The following MAN1A1 variants were observed in gnomAD, a reference collection of about 807,000 sequenced individuals.
MAN1A1 encodes mannosidase alpha class 1A member 1.
MAN1A1 carries 29 observed loss-of-function variants against 70.8 expected under a neutral mutation model. The ratio of observed to expected loss-of-function variants is 0.41; its 90% confidence interval spans 0.31 to 0.56. MAN1A1 has a LOEUF of 0.56. Ranked by LOEUF, MAN1A1 falls within the 20% of genes least tolerant of loss-of-function variation. The pLI is 0.29. For synonymous variants in MAN1A1, 349 were observed against 330.1 expected, an observed-to-expected ratio of 1.06 and a Z score of -0.62; for missense variants, 747 against 841.3, an observed-to-expected ratio of 0.89 and a Z score of 1.39.
chr6:119,207,718 G>A (rs941190207), intron 6 of MAN1A1, among the ~76,000 whole-genome samples: 2 of 152,200 alleles, frequency 1.3e-5, no homozygotes, highest in Admixed American at 6.5e-5. Context: ...AGGCTTTAAT[G>A]TTTAGAATGA....
intron 5 of MAN1A1, among the ~76,000 whole-genome samples, chr6:119,250,770 C>A (rs940174606): frequency 6.6e-6 from 1 of 152,226 alleles, no homozygotes; most frequent in South Asian, 2.1e-4. Context: ...GTTCTCACCA[C>A]CTATTTGCAT....
chr6:119,188,429 C>G lies in MAN1A1; in HGVS notation c.1695G>C (p.Arg565Ser). 2 of 1,610,878 alleles carry G rather than the reference C, an allele frequency of 1.2e-6. No individual in the cohort carries two copies. The highest frequency in any genetic ancestry group is 1.7e-6 in the Non-Finnish European group (2 of 1,178,920). Reference sequence around the variant, plus strand: ...CCTCTACGGCTTCCCAGGCCCATTTCCTGTACTTTGGATCATGAGTCAGTC... The same window carrying G: ...CCTCTACGGCTTCCCAGGCCCATTTGCTGTACTTTGGATCATGAGTCAGTC... ...MWRLTHDPKY[R>S]KWAWEAVEAL... The change falls in exon 11 of 13, where the codon AGG becomes AGC. Residue 565 changes from arginine to serine, a missense_variant. Physicochemically the swap from Arg to Ser is moderately radical, Grantham distance 110. Transcript: ENST00000368468.
In MAN1A1 at chr6:119,312,411, A is replaced by G. The variant is rs1772735517; in HGVS notation, c.604-5419T>C. ...AATCTTTGGTGGAACTGGAAAACAG[A>G]ACGGAGAGACACAGATAAAAAGCAA... On this transcript the variant is annotated intron_variant, in intron 2 of 12. Coordinates refer to ENST00000368468, the MANE Select transcript of MAN1A1 (RefSeq NM_005907.4). Among the ~76,000 whole-genome samples the G allele has an allele frequency of 1.3e-5, 2 of 152,218 alleles. 1 individual carries two copies. The highest frequency in any genetic ancestry group is 4.1e-4 in the South Asian group (2 of 4,838).
chr6:119,257,890 A>T (rs1775503945), intron 5 of MAN1A1, among the ~76,000 whole-genome samples: 1 of 152,214 alleles, frequency 6.6e-6, no homozygotes, highest in African/African-American at 2.4e-5. Context: ...AAAGCTACTC[A>T]TTCTATCTCA....
chr6:119,264,878 C>T (rs180678127), intron 5 of MAN1A1, among the ~76,000 whole-genome samples: 1 of 151,882 alleles, frequency 6.6e-6, no homozygotes, highest in Non-Finnish European at 1.5e-5. Context: ...GGTAAAATAC[C>T]CTGTTTTAGC....
chr6:119,311,054 A>G (rs939969383), intron 2 of MAN1A1, among the ~76,000 whole-genome samples: 1 of 152,222 alleles, frequency 6.6e-6, no homozygotes. Flanking sequence ...ACTCTAAGCA[A>G]GGCAATTAAT....
At chr6:119,180,238 G>T (rs988433438) in intron 12 of MAN1A1, 74 bp downstream of exon 12, 1 of 1,013,666 alleles carries the variant, frequency 9.9e-7, no homozygotes, top group Non-Finnish European at 1.5e-6. Flanking sequence ...ACTTGAATGT[G>T]TTCATGATAA....
chr6:119,329,225 G>C (rs990700061), intron 2 of MAN1A1, among the ~76,000 whole-genome samples: 2 of 152,204 alleles, frequency 1.3e-5, no homozygotes, highest in African/African-American at 4.8e-5. Context: ...TTATTACAAA[G>C]TCTATTAGTG....
chr6:119,309,789 C>T (rs1235043765), intron 2 of MAN1A1, among the ~76,000 whole-genome samples: 1 of 152,130 alleles, frequency 6.6e-6, no homozygotes, highest in Non-Finnish European at 1.5e-5. Flanking sequence ...ATTATTTTAA[C>T]CCAGAAAATA....
intron 6 of MAN1A1, among the ~76,000 whole-genome samples, chr6:119,234,418 AT>A (rs917565318): frequency 1.0e-4 from 15 of 149,032 alleles, no homozygotes; most frequent in Admixed American, 2.0e-4. Flanking sequence ...ATTAAAAAAA[AT>A]TTTTTTTTTT....
chr6:119,277,936 C>CA (rs58837799), intron 5 of MAN1A1, among the ~76,000 whole-genome samples: 892 of 23,080 alleles, frequency 0.039, 102 homozygotes, highest in South Asian at 0.091. Flanking sequence ...GACTCCATCT[C>CA]AAAAAAAAAA....
At chr6:119,350,103 T>C (rs1773867569), upstream of MAN1A1, among the ~76,000 whole-genome samples, 1 of 151,986 alleles carries the variant, frequency 6.6e-6, no homozygotes, top group Admixed American at 6.5e-5. Context: ...CCCGGGGTGG[T>C]TGATCCTCGA....
chr6:119,191,843 T>C (rs1773450698), intron 9 of MAN1A1, among the ~76,000 whole-genome samples: 2 of 152,204 alleles, frequency 1.3e-5, no homozygotes, highest in African/African-American at 4.8e-5. Context: ...TCCAGAACAA[T>C]AGTGTACAGC....
At chr6:119,191,581 G>C (rs2299874) in intron 9 of MAN1A1, among the ~76,000 whole-genome samples, 108,169 of 151,858 alleles carry the variant, frequency 0.71, 40,828 homozygotes, top group Non-Finnish European at 0.83. Flanking sequence ...TTTAATCCTT[G>C]TATAATTGAT....
intron 2 of MAN1A1, among the ~76,000 whole-genome samples, chr6:119,321,866 AC>A (rs1406630143): frequency 6.6e-6 from 1 of 151,850 alleles, no homozygotes; most frequent in South Asian, 2.1e-4. Context: ...GGATCCACCC[AC>A]CTCAGCCTCC....
chr6:119,180,751 C>T (rs1035143701), intron 11 of MAN1A1, among the ~76,000 whole-genome samples: 1 of 150,526 alleles, frequency 6.6e-6, no homozygotes, highest in Non-Finnish European at 1.5e-5. Context: ...TGGGCTCAAG[C>T]GATCTGCTTG....
At chr6:119,331,283 C>T (rs1046804100) in intron 2 of MAN1A1, among the ~76,000 whole-genome samples, 5 of 151,092 alleles carry the variant, frequency 3.3e-5, no homozygotes, top group Admixed American at 1.3e-4. Context: ...ATATACCTCA[C>T]TGTGAATTTA....
chr6:119,194,012 A>C (rs1267106949), intron 8 of MAN1A1, 120 bp from the exon 9 acceptor site: 5 of 587,324 alleles, frequency 8.5e-6, no homozygotes, highest in Non-Finnish European at 1.5e-5. Context: ...GTTACATTTA[A>C]ATTCCAACAA....
intron 5 of MAN1A1, among the ~76,000 whole-genome samples, chr6:119,288,260 T>A (rs1439212831): frequency 6.6e-6 from 1 of 151,968 alleles, no homozygotes; most frequent in Admixed American, 6.6e-5. Context: ...AAAATACTCC[T>A]GAGCCTCAGT....
Sources: allele counts gnomAD v4.1 joint callset (sites outside exome capture counted in the v4.1 genomes callset), GRCh38; gene constraint gnomAD v4.1.1; transcripts MANE v1.5; gene names NCBI Gene and HGNC (gene_info 2026-07-23, HGNC 2026-07-21).